NAALADL2: variants seen among roughly 807,000 people sequenced by gnomAD.
NAALADL2 encodes N-acetylated alpha-linked acidic dipeptidase like 2.
Under a neutral mutation model 87.2 loss-of-function variants are expected in NAALADL2, and 76 were observed. The ratio of observed to expected loss-of-function variants is 0.87; its 90% confidence interval spans 0.72 to 1.05. The LOEUF (loss-of-function observed/expected upper bound fraction) is 1.05, where lower values mean the gene tolerates loss of function less well. NAALADL2 is among the 50% of genes least tolerant of loss of function. NAALADL2 has a pLI of 0.00. For synonymous variants in NAALADL2, 354 were observed against 331.0 expected (o/e 1.07, Z -0.75); for missense variants, 1,089 against 945.8 (o/e 1.15, Z -1.99).
intron 5 of NAALADL2, among the ~76,000 whole-genome samples, chr3:175,380,986 C>G (rs1311860384): frequency 6.6e-6 from 1 of 152,002 alleles, no homozygotes; most frequent in East Asian, 1.9e-4. Context: ...TTACCCTTTA[C>G]TGTATAAGAC....
intron 13 of NAALADL2, among the ~76,000 whole-genome samples, chr3:175,792,402 A>G (rs1030790407): frequency 1.3e-5 from 2 of 152,190 alleles, no homozygotes; most frequent in African/African-American, 4.8e-5. Context: ...CAGTAGGTCA[A>G]TTGCTGCACT....
At chr3:175,138,139 G>C (rs1240663079) in intron 2 of NAALADL2, among the ~76,000 whole-genome samples, 2 of 152,170 alleles carry the variant, frequency 1.3e-5, no homozygotes, top group Admixed American at 1.3e-4. Flanking sequence ...GATGGAGTGA[G>C]AAATGCAAGA....
intron 2 of NAALADL2, among the ~76,000 whole-genome samples, chr3:175,179,544 A>T (rs1007847526): frequency 5.3e-5 from 8 of 151,936 alleles, no homozygotes; most frequent in Non-Finnish European, 1.0e-4. Context: ...ATACTTGCTT[A>T]TTTTATTTCT....
chr3:174,836,601 C>T (rs1419988578), intron 3 of NAALADL2, among the ~76,000 whole-genome samples: 1 of 148,828 alleles, frequency 6.7e-6, no homozygotes, highest in East Asian at 2.1e-4. Flanking sequence ...CCCAGCTACT[C>T]GGGAGACCGA....
chr3:174,803,087 T>C (rs533413538), intron 3 of NAALADL2, among the ~76,000 whole-genome samples: 1 of 152,152 alleles, frequency 6.6e-6, no homozygotes, highest in Admixed American at 6.6e-5. Context: ...TACTTTACGC[T>C]CCCACCAACA....
intron 3 of NAALADL2, among the ~76,000 whole-genome samples, chr3:174,832,968 G>C (rs16848164): frequency 0.27 from 41,018 of 151,888 alleles, 6,328 homozygotes; most frequent in African/African-American, 0.41. Context: ...CATACCTACA[G>C]CTATGACTAT....
chr3:175,721,719 C>G (rs1316732172), intron 11 of NAALADL2, among the ~76,000 whole-genome samples: 1 of 151,956 alleles, frequency 6.6e-6, no homozygotes, highest in African/African-American at 2.4e-5. Flanking sequence ...ACATTTCTCT[C>G]TAGAGGTATA....
Position 175,322,743 on chromosome 3 carries a change from A to G in NAALADL2, c.940-1432A>G, listed in dbSNP as rs1257410428. Among the ~76,000 whole-genome samples, 6 of 148,764 alleles carry G rather than the reference A, an allele frequency of 4.0e-5. No homozygotes were observed. In the East Asian group the frequency reaches 6.1e-4, roughly 15 times the overall value. ...CCAAAAAACACATGAAAAAATGCTC[A>G]TCATCACTAGCCATCAGAGAAATGC... On this transcript the variant is annotated intron_variant, in intron 4 of 13. Transcript: ENST00000454872.
intron 3 of NAALADL2, among the ~76,000 whole-genome samples, chr3:174,780,378 T>G (rs975333659): frequency 5.3e-5 from 8 of 152,170 alleles, no homozygotes; most frequent in African/African-American, 1.4e-4. Context: ...TAAGGAGATT[T>G]TGGGCTGAGA....
chr3:175,234,292 G>A (rs1581040792), intron 3 of NAALADL2, 88 bp downstream of exon 3: 2 of 1,369,916 alleles, frequency 1.5e-6, no homozygotes, highest in Admixed American at 2.1e-5. Flanking sequence ...CTGTCAAGAT[G>A]CAACATACAA....
At chr3:174,552,949 T>C (rs1361654222) in intron 2 of NAALADL2, among the ~76,000 whole-genome samples, 2 of 152,128 alleles carry the variant, frequency 1.3e-5, no homozygotes, top group Non-Finnish European at 2.9e-5. Flanking sequence ...TAGGTGACTA[T>C]AGACATATGT....
intron 2 of NAALADL2, among the ~76,000 whole-genome samples, chr3:174,587,105 T>G (rs1716811544): frequency 6.6e-6 from 1 of 152,000 alleles, no homozygotes; most frequent in Admixed American, 6.6e-5. Flanking sequence ...GTCCTTGCCA[T>G]AGTTTGCTGA....
At chr3:174,780,667 G>A (rs77240113) in intron 3 of NAALADL2, among the ~76,000 whole-genome samples, 1 of 151,972 alleles carries the variant, frequency 6.6e-6, no homozygotes, top group Non-Finnish European at 1.5e-5. Context: ...TCAATACCTA[G>A]TTTACTGAAA....
At chr3:174,640,254 G>T (rs1423891934) in intron 2 of NAALADL2, among the ~76,000 whole-genome samples, 1 of 152,188 alleles carries the variant, frequency 6.6e-6, no homozygotes, top group Non-Finnish European at 1.5e-5. Context: ...AATGTTTGCT[G>T]CAGGGAAGCC....
At chr3:175,088,864 A>G (rs1719553652) in intron 1 of NAALADL2, among the ~76,000 whole-genome samples, 1 of 152,168 alleles carries the variant, frequency 6.6e-6, no homozygotes, top group Non-Finnish European at 1.5e-5. Flanking sequence ...ACACACTTTG[A>G]AGCCTTCTTT....
chr3:174,788,534 C>T (rs537064214), intron 3 of NAALADL2, among the ~76,000 whole-genome samples: 3 of 152,200 alleles, frequency 2.0e-5, no homozygotes, highest in South Asian at 4.1e-4. Context: ...CATGGTCTTC[C>T]CTCTGTTTGT....
intron 2 of NAALADL2, chr3:174,631,995 A>C (rs1465533084): frequency 6.6e-6 from 1 of 152,206 alleles, no homozygotes. Context: ...CATGAAGGGC[A>C]TTTAAAAGAT....
At chr3:175,033,676 A>G (rs146960692) in intron 1 of NAALADL2, among the ~76,000 whole-genome samples, 93 of 152,082 alleles carry the variant, frequency 6.1e-4, no homozygotes, top group African/African-American at 2.1e-3. Flanking sequence ...TGGATACCAC[A>G]TTTTCACTGG....
chr3:175,290,904 T>C (rs1355835597), intron 4 of NAALADL2, among the ~76,000 whole-genome samples: 2 of 132,358 alleles, frequency 1.5e-5, no homozygotes, highest in South Asian at 4.2e-4. Flanking sequence ...TGTGTGCGTG[T>C]TTTTTTTCTA....
Sources: allele counts gnomAD v4.1 joint callset (sites outside exome capture counted in the v4.1 genomes callset), GRCh38; gene constraint gnomAD v4.1.1; transcripts MANE v1.5; gene names NCBI Gene and HGNC (gene_info 2026-07-23, HGNC 2026-07-21).